GLIS1: variants seen among roughly 807,000 people sequenced by gnomAD.
GLIS1 encodes the protein zinc finger protein GLIS1.
Under a neutral mutation model 63.8 loss-of-function variants are expected in GLIS1, and 24 were observed. The ratio of observed to expected loss-of-function variants is 0.38; its 90% confidence interval spans 0.27 to 0.53. GLIS1 has a LOEUF of 0.53. GLIS1 is among the 20% of genes least tolerant of loss of function. GLIS1 has a pLI of 0.85. For synonymous variants in GLIS1, 450 were observed against 482.5 expected (o/e 0.93, Z 0.88); for missense variants, 1,036 against 1,074.1 (o/e 0.96, Z 0.50).
At chr1:53,588,784 A>G (rs1448562620) in intron 4 of GLIS1, among the ~76,000 whole-genome samples, 1 of 152,244 alleles carries the variant, frequency 6.6e-6, no homozygotes, top group Non-Finnish European at 1.5e-5. Context: ...GTAGATGAGT[A>G]GAAGGCGGTG....
chr1:53,570,025 T>C (rs542972420), intron 4 of GLIS1, among the ~76,000 whole-genome samples: 4 of 152,252 alleles, frequency 2.6e-5, no homozygotes, highest in South Asian at 2.1e-4. Context: ...ATAGAGTAAA[T>C]GGAATTCCAA....
intron 4 of GLIS1, among the ~76,000 whole-genome samples, chr1:53,582,967 C>T (rs1645100642): frequency 6.6e-6 from 1 of 152,182 alleles, no homozygotes; most frequent in Admixed American, 6.5e-5. Context: ...TGCCTGTGGC[C>T]AGACTCTCTT....
At chr1:53,562,429 A>G (rs1340434040) in intron 4 of GLIS1, among the ~76,000 whole-genome samples, 2 of 152,196 alleles carry the variant, frequency 1.3e-5, no homozygotes, top group Admixed American at 6.5e-5. Context: ...GGTCACCTCC[A>G]TGGTGACTCA....
chr1:53,656,969 C>T (rs907242748), intron 2 of GLIS1, among the ~76,000 whole-genome samples: 1 of 152,122 alleles, frequency 6.6e-6, no homozygotes, highest in African/African-American at 2.4e-5. Context: ...TGCAGAGGTC[C>T]GGAGGGTGCA....
chr1:53,693,343 T>G (rs1646428247), intron 2 of GLIS1, among the ~76,000 whole-genome samples: 1 of 148,796 alleles, frequency 6.7e-6, no homozygotes, highest in African/African-American at 2.5e-5. Context: ...ATGGCCAACT[T>G]AACCTCAGAA....
At chr1:53,697,394 C>T (rs1400769718) in intron 2 of GLIS1, among the ~76,000 whole-genome samples, 1 of 152,176 alleles carries the variant, frequency 6.6e-6, no homozygotes, top group Non-Finnish European at 1.5e-5. Flanking sequence ...AGTTCCTCCC[C>T]ACCGTTCTGC....
intron 2 of GLIS1, among the ~76,000 whole-genome samples, chr1:53,694,880 G>A (rs1028715482): frequency 3.3e-5 from 5 of 152,088 alleles, no homozygotes; most frequent in Admixed American, 6.6e-5. Flanking sequence ...AAACATCGGC[G>A]GCTCCGATCG....
intron 4 of GLIS1, 133 bp from the exon 5 acceptor site, chr1:53,530,085 G>A: frequency 1.3e-6 from 1 of 786,906 alleles, no homozygotes; most frequent in South Asian, 1.8e-5. Context: ...TGAGAGCTCT[G>A]GATCAGCTCC....
At chr1:53,567,042 C>T (rs1025328338) in intron 4 of GLIS1, among the ~76,000 whole-genome samples, 12 of 152,120 alleles carry the variant, frequency 7.9e-5, no homozygotes, top group African/African-American at 2.9e-4. Flanking sequence ...ATGGAGGGCT[C>T]AGAAGAAGAT....
chr1:53,516,821 CA>C (rs1177769651), intron 7 of GLIS1, among the ~76,000 whole-genome samples: 1 of 151,436 alleles, frequency 6.6e-6, no homozygotes, highest in Non-Finnish European at 1.5e-5. Flanking sequence ...AAACAAAAAA[CA>C]AAAAACAAAG....
intron 2 of GLIS1, among the ~76,000 whole-genome samples, chr1:53,728,729 A>C (rs903255235): frequency 1.3e-5 from 2 of 152,262 alleles, no homozygotes; most frequent in African/African-American, 4.8e-5. Flanking sequence ...AAGCCCACAG[A>C]TTATAAGAAA....
chr1:53,710,644 C>T (rs1444377555), intron 2 of GLIS1, among the ~76,000 whole-genome samples: 2 of 152,220 alleles, frequency 1.3e-5, no homozygotes, highest in Non-Finnish European at 2.9e-5. Context: ...GTCAGTCCTA[C>T]CCCTCTGCCT....
chr1:53,669,638 T>C (rs1646130649), intron 2 of GLIS1, among the ~76,000 whole-genome samples: 1 of 152,216 alleles, frequency 6.6e-6, no homozygotes, highest in Non-Finnish European at 1.5e-5. Flanking sequence ...CCAGCCCCTG[T>C]GGACCTTATA....
intron 4 of GLIS1, 132 bp from the exon 5 acceptor site, chr1:53,530,084 T>C (rs12025611): frequency 0.064 from 50,392 of 792,340 alleles, 6,053 homozygotes; most frequent in East Asian, 0.48. Flanking sequence ...CTGAGAGCTC[T>C]GGATCAGCTC....
At chr1:53,596,913 C>A (rs982690647) in intron 3 of GLIS1, among the ~76,000 whole-genome samples, 7 of 152,090 alleles carry the variant, frequency 4.6e-5, no homozygotes, top group Non-Finnish European at 1.0e-4. Context: ...TTTCACTCAA[C>A]ATGCTTTTCA....
At chr1:53,694,082 G>T (rs1490731850) in intron 2 of GLIS1, among the ~76,000 whole-genome samples, 6 of 152,222 alleles carry the variant, frequency 3.9e-5, no homozygotes, top group African/African-American at 1.4e-4. Context: ...CCACCACACA[G>T]GTGCCCAGTG....
In GLIS1 at chr1:53,526,868, C is replaced by T. The variant is rs752156268; in HGVS notation, c.1483-1981G>A. Among the ~76,000 whole-genome samples the T allele has an allele frequency of 6.6e-6, 1 of 152,260 alleles. No homozygotes were observed. Among genetic ancestry groups the T allele is most frequent in the Admixed American group, 6.5e-5 (1 of 15,286 alleles). On this transcript the variant is annotated intron_variant, in intron 5 of 10. Coordinates refer to ENST00000628545, the MANE Select transcript of GLIS1 (RefSeq NM_001367484.1). This position sits in a 1 kb window ranked among gnomAD's most constrained non-coding sequence, Gnocchi z 4.4. Reference sequence around the variant, plus strand: ...GTGAGCCTGTGGGAAACCCTGTGGCCGTCCCCAGCCAGCAGCCAAGCTCCG... The same window carrying T: ...GTGAGCCTGTGGGAAACCCTGTGGCTGTCCCCAGCCAGCAGCCAAGCTCCG...
At chr1:53,604,787 C>T (rs572648552) in intron 2 of GLIS1, among the ~76,000 whole-genome samples, 1 of 152,252 alleles carries the variant, frequency 6.6e-6, no homozygotes, top group East Asian at 1.9e-4. Flanking sequence ...TTGCCTGACT[C>T]AGCCATCTAG....
intron 2 of GLIS1, among the ~76,000 whole-genome samples, chr1:53,613,254 T>C (rs1645445051): frequency 6.6e-6 from 1 of 152,246 alleles, no homozygotes; most frequent in South Asian, 2.1e-4. Context: ...CATTCTATGG[T>C]TGTACATATT....
Sources: gnomAD v4.1 joint callset for allele counts (sites outside exome capture counted in the v4.1 genomes callset) on GRCh38, gnomAD v4.1.1 for gene constraint, Gnocchi (gnomAD v3.1) non-coding constraint, MANE v1.5 for transcripts, NCBI Gene and HGNC (gene_info 2026-07-23, HGNC 2026-07-21) for gene names.